Variants in ATP2C1 observed in about 807,000 individuals in gnomAD.
ATP2C1 encodes the protein ATPase secretory pathway Ca2+ transporting 1, also known as calcium-transporting ATPase type 2C member 1.
ATP2C1 carries 31 observed loss-of-function variants against 120.5 expected under a neutral mutation model. That is an observed-to-expected ratio of 0.26 (90% confidence interval 0.19 to 0.35). The LOEUF (loss-of-function observed/expected upper bound fraction) is 0.35. ATP2C1 is among the 10% of genes least tolerant of loss of function. The pLI is 1.00. For missense variants in ATP2C1, 731 were observed against 1,107.5 expected, an observed-to-expected ratio of 0.66 and a Z score of 4.83; for synonymous variants, 351 against 358.7, an observed-to-expected ratio of 0.98 and a Z score of 0.24.
chr3:130,880,031 CAGGTACCT>C (rs2068732766), intron 1 of ATP2C1, among the ~76,000 whole-genome samples: 1 of 152,080 alleles, frequency 6.6e-6, no homozygotes, highest in Non-Finnish European at 1.5e-5. Context: ...GTGGTGGCAG[CAGGTACCT>C]AGGAGGAGTG....
At chr3:130,941,903 T>C (rs375154069) in intron 8 of ATP2C1, among the ~76,000 whole-genome samples, 1 of 152,180 alleles carries the variant, frequency 6.6e-6, no homozygotes, top group Non-Finnish European at 1.5e-5. Context: ...GTTTAGTGAA[T>C]CAGCAGATCT....
intron 14 of ATP2C1, among the ~76,000 whole-genome samples, chr3:130,966,271 A>G (rs1218034088): frequency 7.2e-5 from 11 of 152,136 alleles, no homozygotes; most frequent in Admixed American, 7.2e-4. Flanking sequence ...TTTCTGGATG[A>G]TTCAGAAGGG....
intron 8 of ATP2C1, among the ~76,000 whole-genome samples, chr3:130,951,076 C>T (rs1408572179): frequency 1.3e-5 from 2 of 152,124 alleles, no homozygotes; most frequent in Admixed American, 6.5e-5. Context: ...TTACGTGCAA[C>T]TCTGACTGTT....
chr3:130,855,037 T>C (rs751631221), intron 1 of ATP2C1, among the ~76,000 whole-genome samples: 13 of 152,178 alleles, frequency 8.5e-5, no homozygotes, highest in Non-Finnish European at 1.8e-4. Flanking sequence ...GGCACCTCTC[T>C]TTTTCCCTTT....
chr3:130,987,522 G>A (rs1248625405), intron 20 of ATP2C1, among the ~76,000 whole-genome samples: 1 of 149,416 alleles, frequency 6.7e-6, no homozygotes, highest in African/African-American at 2.5e-5. Context: ...ATAGAGATGG[G>A]GTCTTGCTGT....
At chr3:130,868,053 G>A (rs1473193763) in intron 1 of ATP2C1, 11 of 147,870 alleles carry the variant, frequency 7.4e-5, no homozygotes, top group South Asian at 5.3e-4. Context: ...CCCTCCGTCC[G>A]GCAACCACCC....
At chr3:130,980,866 T>A (rs944094039) in intron 20 of ATP2C1, among the ~76,000 whole-genome samples, 187 bp downstream of exon 20, 1 of 152,206 alleles carries the variant, frequency 6.6e-6, no homozygotes, top group Non-Finnish European at 1.5e-5. Flanking sequence ...ATTTATGATA[T>A]GATGTTTATG....
At chr3:130,918,114 A>G (rs1344970415) in intron 2 of ATP2C1, 6 of 700,774 alleles carry the variant, frequency 8.6e-6, no homozygotes, top group East Asian at 7.7e-5. Flanking sequence ...AGGGTAATAT[A>G]TAGTACTTAA....
intron 2 of ATP2C1, among the ~76,000 whole-genome samples, chr3:130,907,930 TGA>T (rs2058215017): frequency 6.6e-6 from 1 of 152,058 alleles, no homozygotes; most frequent in African/African-American, 2.4e-5. Context: ...TGTTTGGGTG[TGA>T]CCTTATTCTA....
At chr3:130,909,856 A>G (rs1330266875) in intron 2 of ATP2C1, among the ~76,000 whole-genome samples, 1 of 151,506 alleles carries the variant, frequency 6.6e-6, no homozygotes. Context: ...GGTTTTATAT[A>G]TATATTTATA....
At position 130,940,362 on chromosome 3, in the gene ATP2C1, T is replaced by C. The variant is rs1423403158; in HGVS notation, c.361-268T>C. On this transcript the variant is annotated intron_variant, in intron 6 of 27. Transcript: ENST00000510168. ...CAAATTATGTACTCTTTGGACATAC[T>C]AGTCAGTTTTCATTTTTATTCTAAA... Among the ~76,000 whole-genome samples, 3 of 152,246 alleles carry C rather than the reference T, an allele frequency of 2.0e-5. No individual in the cohort carries two copies. The East Asian group carries it at 5.8e-4, about 29-fold the overall frequency.
rs772850073 is a variant in ATP2C1, at chr3:130,975,385, C to T, written c.1467C>T (p.Tyr489=). 19 of 1,613,848 alleles carry T rather than the reference C, an allele frequency of 1.2e-5. No homozygotes were observed. The highest frequency in any genetic ancestry group is 1.5e-5 in the Non-Finnish European group (18 of 1,179,802). The change falls in exon 18 of 28, where the codon TAC becomes TAT. Residue 489 remains tyrosine, a synonymous_variant. Transcript: ENST00000510168. The part of the protein sequence containing the change: ...MKGAYEQVIK[Y]CTTYQSKGQT... ...GTGCTTACGAACAAGTAATTAAGTA[C>T]TGTACTACATACCAGAGCAAAGGGC...
In ATP2C1 at chr3:130,894,231, A is replaced by C. The variant is rs2069369342; in HGVS notation, c.-287A>C. On this transcript the variant is annotated 5_prime_UTR_variant, in exon 1 of 28. Coordinates refer to ENST00000510168, the MANE Select transcript of ATP2C1 (RefSeq NM_001378687.1). The surrounding 1 kb of genome is among the most constrained non-coding windows in gnomAD (Gnocchi z 4.5). ...CGCCGGGAGCAGGCTCCCGCCTCGCACCGCTGCCCCGCGAGCAGCTCCTCT... is the reference window on the plus strand; with the variant it reads ...CGCCGGGAGCAGGCTCCCGCCTCGCCCCGCTGCCCCGCGAGCAGCTCCTCT... 1.0e-6 allele frequency: 1 copy of C among 968,676 alleles called. No individual in the cohort carries two copies. Among genetic ancestry groups the C allele is most frequent in the Non-Finnish European group, 1.2e-6 (1 of 825,336 alleles). The allele number at this position is 968,676 out of a possible 1,614,324, so 60.0% of individuals were successfully genotyped here. A position where few individuals can be genotyped will look rare whatever the true frequency, so the allele number is the denominator to read the frequency against.
At chr3:130,916,502 G>T (rs996694316) in intron 2 of ATP2C1, among the ~76,000 whole-genome samples, 12 of 151,796 alleles carry the variant, frequency 7.9e-5, no homozygotes, top group African/African-American at 2.9e-4. Flanking sequence ...TGATTAGTAG[G>T]GTTAAAGATT....
rs142718716 is a variant in ATP2C1, at chr3:130,975,530, A to C, written c.1570+42A>C. 1.9e-6 allele frequency: 3 copies of C among 1,601,448 alleles called. No homozygotes were observed. The East Asian group carries it at 6.8e-5, about 36-fold the overall frequency. On this transcript the variant is annotated intron_variant, in intron 18 of 27. Coordinates refer to ENST00000510168, the MANE Select transcript of ATP2C1 (RefSeq NM_001378687.1). Reference sequence around the variant, plus strand: ...ATAGTCCCCTGGGGTGGAAAGGTAGAGCCTTCTTTTAATTGCAGATGAATT... The same window carrying C: ...ATAGTCCCCTGGGGTGGAAAGGTAGCGCCTTCTTTTAATTGCAGATGAATT...
chr3:130,930,549 G>A, intron 3 of ATP2C1, 23 bp downstream of exon 3: 3 of 1,408,302 alleles, frequency 2.1e-6, no homozygotes, highest in Non-Finnish European at 3.0e-6. Flanking sequence ...TGGGGAGGAA[G>A]GGACTAGATG....
Position 130,999,531 on chromosome 3 carries a change from T to G in ATP2C1, c.2501T>G (p.Phe834Cys), listed in dbSNP as rs375112180. The G allele has an allele frequency of 3.1e-6, 5 of 1,613,602 alleles. No individual in the cohort carries two copies. In the African/African-American group the frequency reaches 6.7e-5, roughly 22 times the overall value. Residue 834 changes from phenylalanine (F) to cysteine (C), a missense_variant, in exon 27 of 28, where the codon TTT becomes TGT. By Grantham distance (205) the Phe-to-Cys change is radical (BLOSUM62 -2). Around this residue, in one of 3 missense-constraint regions of ATP2C1, gnomAD observed 141 missense variants for 201.6 expected, o/e 0.70. Coordinates refer to ENST00000510168, the MANE Select transcript of ATP2C1 (RefSeq NM_001378687.1). ...CTCTGCCAACAGACCAAGTCTGTGT[T>G]TGAGATTGGACTCTGCAGTAATAGA... ...LSSRSQTKSV[F>C]EIGLCSNRMF...
At chr3:130,955,808 T>G (rs1279139717) in intron 10 of ATP2C1, 1 of 311,590 alleles carries the variant, frequency 3.2e-6, no homozygotes, top group Non-Finnish European at 6.2e-6. Context: ...AGTCCTGCAG[T>G]GGTTGGTAGG....
rs1448503721 is a variant in ATP2C1, at chr3:130,867,579, CA to C, written c.108+16652del. On this transcript the variant is annotated intron_variant, in intron 1 of 26. Transcript: ENST00000504381. ...GGTGCCGGGATTGCAGACGGAGTCT[CA>C]TTCACTCAGTGCTCAATGGTGCCCA... 9.4e-5 allele frequency among the ~76,000 whole-genome samples: 14 copies of C among 149,468 alleles called. 1 individual carries two copies. Among genetic ancestry groups the C allele is most frequent in the African/African-American group, 3.4e-4 (14 of 40,602 alleles).
Sources: allele counts gnomAD v4.1 joint callset (sites outside exome capture counted in the v4.1 genomes callset), GRCh38; gene constraint gnomAD v4.1.1; regional missense constraint gnomAD v4.1.1; non-coding constraint Gnocchi (gnomAD v3.1); transcripts MANE v1.5; gene names NCBI Gene and HGNC (gene_info 2026-07-23, HGNC 2026-07-21).